CDC23: variants seen among roughly 807,000 people sequenced by gnomAD.
CDC23 encodes cell division cycle protein 23 homolog.
CDC23 carries 26 observed loss-of-function variants against 81.7 expected under a neutral mutation model. That is an observed-to-expected ratio of 0.32 (90% CI 0.23 to 0.44). The LOEUF is 0.44. CDC23 is among the 20% of genes least tolerant of loss of function. The probability of loss-of-function intolerance (pLI) is 1.00; values close to 1 mark genes in which losing one functional copy is unlikely to be tolerated. For missense variants in CDC23, 519 were observed against 728.0 expected, an observed-to-expected ratio of 0.71 and a Z score of 3.30; for synonymous variants, 267 against 270.8, an observed-to-expected ratio of 0.99 and a Z score of 0.14.
intron 2 of CDC23, among the ~76,000 whole-genome samples, chr5:138,208,528 A>G (rs1755078203): frequency 2.0e-5 from 3 of 152,208 alleles, no homozygotes; most frequent in African/African-American, 7.2e-5. Flanking sequence ...GAATGGGACA[A>G]AAAAATCAAG....
Position 138,201,101 on chromosome 5 carries a change from A to G in CDC23, c.654+6T>C. Reference sequence around the variant, plus strand: ...AGGGTTTTTCACATAGCTCATCACAATTTACCATCTCTTTGTCTGTGATCA... The same window carrying G: ...AGGGTTTTTCACATAGCTCATCACAGTTTACCATCTCTTTGTCTGTGATCA... On this transcript the variant is annotated splice_donor_region_variant and intron_variant, in intron 6 of 15. Coordinates refer to ENST00000394886, the MANE Select transcript of CDC23 (RefSeq NM_004661.4). 3.1e-6 allele frequency: 5 copies of G among 1,613,404 alleles called. No individual in the cohort carries two copies. Among genetic ancestry groups the G allele is most frequent in the Non-Finnish European group, 4.2e-6 (5 of 1,179,876 alleles).
intron 2 of CDC23, among the ~76,000 whole-genome samples, chr5:138,208,394 TACG>T (rs1231867631): frequency 6.6e-6 from 1 of 152,232 alleles, no homozygotes; most frequent in Non-Finnish European, 1.5e-5. Context: ...ATGTCCTAAA[TACG>T]ACCATTTGAT....
chr5:138,201,221 T>A lies in CDC23; in HGVS notation c.540A>T (p.Arg180=). 1 of 1,614,222 alleles carries A rather than the reference T, an allele frequency of 6.2e-7. No individual in the cohort carries two copies. ...FGLYLYGVVL[R]KLDLVKEAID... is the part of the protein sequence containing the mutation. ...TGGCCTCTTTAACCAAGTCCAGTTT[T>A]CGAAGCACCACACCATACCTGGGAA... Residue 180 remains arginine (R), a synonymous_variant, in exon 6 of 16, where the codon CGA becomes CGT. Transcript: ENST00000394886.
intron 10 of CDC23, 41 bp downstream of exon 10, chr5:138,192,463 C>G: frequency 6.2e-7 from 1 of 1,613,330 alleles, no homozygotes; most frequent in Non-Finnish European, 8.5e-7. Context: ...AGGCTCCTAA[C>G]CACAGCAATC....
Position 138,213,251 on chromosome 5 carries a change from G to T in CDC23, c.62C>A (p.Ser21Tyr). 6.2e-7 allele frequency: 1 copy of T among 1,614,080 alleles called. No homozygotes were observed. The highest frequency in any genetic ancestry group is 8.5e-7 in the Non-Finnish European group (1 of 1,180,042). Residue 21 changes from serine to tyrosine, a missense_variant, in exon 1 of 16, where the codon TCC (serine) becomes TAC (tyrosine). By Grantham distance (144) the Ser-to-Tyr change is moderately radical. Around this residue, in one of 4 missense-constraint regions of CDC23, gnomAD observed 126 missense variants for 116.2 expected, o/e 1.08. Coordinates refer to ENST00000394886, the MANE Select transcript of CDC23 (RefSeq NM_004661.4). ...AVTAAVAPVL[S>Y]INSDFSDLRE... ...CAAATCTGAGAAATCGCTGTTTATG[G>T]ACAGGACAGGCGCCACTGCCGCCGT... is the stretch of plus-strand genomic sequence containing the variant.
chr5:138,188,703 A>C lies in CDC23; in HGVS notation c.*275T>G, dbSNP rs1054679804. The C allele has an allele frequency of 3.9e-6, 1 of 259,140 alleles. No homozygotes were observed. Among genetic ancestry groups the C allele is most frequent in the Non-Finnish European group, 7.3e-6 (1 of 137,538 alleles). 16.1% of individuals were successfully genotyped at this position (259,140 alleles called of 1,614,324 possible). On this transcript the variant is annotated 3_prime_UTR_variant, in exon 16 of 16. Coordinates refer to ENST00000394886, the MANE Select transcript of CDC23 (RefSeq NM_004661.4). ...AAAAGGGACTTTCTTGGGGGCCAAA[A>C]AAAAAAAGCATTCAGGGAAGAAGGC...
rs1012184406 is a variant in CDC23 at position 138,197,409 on chromosome 5, TA to T, written c.1012+789del. 2.3e-4 allele frequency among the ~76,000 whole-genome samples: 35 copies of T among 150,500 alleles called. 4 individuals carry two copies. Among genetic ancestry groups the T allele is most frequent in the African/African-American group, 7.4e-4 (30 of 40,558 alleles). On this transcript the variant is annotated intron_variant, in intron 9 of 15. Coordinates refer to ENST00000394886, the MANE Select transcript of CDC23 (RefSeq NM_004661.4). ...AGATGGCAAAGATATATCATTAAGT[TA>T]AAAAAAAGGAAGTTAGATAGCACTA... is the stretch of plus-strand genomic sequence containing the variant.
chr5:138,213,286 C>A lies in CDC23; in HGVS notation c.27G>T (p.Pro9=). The A allele has an allele frequency of 6.2e-7, 1 of 1,614,046 alleles. No homozygotes were observed. Among genetic ancestry groups the A allele is most frequent in the Non-Finnish European group, 8.5e-7 (1 of 1,180,026 alleles). MAASTSMV[P]VAVTAAVAPV... Reference sequence around the variant, plus strand: ...GCGCCACTGCCGCCGTCACAGCCACCGGGACCATGGAGGTACTCGCAGCCA... The same window carrying A: ...GCGCCACTGCCGCCGTCACAGCCACAGGGACCATGGAGGTACTCGCAGCCA... The change falls in exon 1 of 16, where the codon CCG becomes CCT. Residue 9 remains proline, a synonymous_variant. Coordinates refer to ENST00000394886, the MANE Select transcript of CDC23 (RefSeq NM_004661.4).
At chr5:138,207,077 G>A (rs868384504) in intron 2 of CDC23, among the ~76,000 whole-genome samples, 2 of 151,704 alleles carry the variant, frequency 1.3e-5, no homozygotes, top group East Asian at 1.9e-4. Context: ...ATGGGGTTTC[G>A]CCATGTTGGC....
chr5:138,192,656 GC>G lies in CDC23; in HGVS notation c.1013del (p.Gly338AlafsTer21), dbSNP rs1754839583. 1 of 1,600,310 alleles carries G rather than the reference GC, an allele frequency of 6.2e-7. No individual in the cohort carries two copies. The highest frequency in any genetic ancestry group is 8.5e-7 in the Non-Finnish European group (1 of 1,176,372). On this transcript the variant is annotated frameshift_variant and splice_region_variant, in exon 10 of 16. Transcript: ENST00000394886. LOFTEE classifies it high-confidence loss of function. ...GCTGAGAACGTAAACTGTAATAATT[GC>G]CTGATTAAAAATCAAACAAAAAAAT... ...KYRVETCCVIGNYYSLRSQHE... is the reference protein window; with the variant it reads ...KYRVETCCVIXNYYSLRSQHE...
In CDC23 at chr5:138,201,324, A is replaced by C; in HGVS notation, c.521+19T>G. 1.2e-6 allele frequency: 2 copies of C among 1,613,286 alleles called. 1 individual carries two copies. Among genetic ancestry groups the C allele is most frequent in the Non-Finnish European group, 1.7e-6 (2 of 1,179,528 alleles). ...AGGAGAATATGTTACAGAAAGTTCC[A>C]AATTACTGTAACACTTACAGATAAA... On this transcript the variant is annotated intron_variant, in intron 5 of 15. Coordinates refer to ENST00000394886, the MANE Select transcript of CDC23 (RefSeq NM_004661.4).
At chr5:138,208,374 T>C (rs1307544400) in intron 2 of CDC23, among the ~76,000 whole-genome samples, 3 of 152,216 alleles carry the variant, frequency 2.0e-5, no homozygotes, top group Non-Finnish European at 1.5e-5. Flanking sequence ...GCTTTCTTCA[T>C]TAGATCAACA....
intron 13 of CDC23, 188 bp from the exon 14 acceptor site, chr5:138,190,094 C>A (rs1754809615): frequency 1.7e-6 from 1 of 599,438 alleles, no homozygotes; most frequent in African/African-American, 1.9e-5. Flanking sequence ...AGAATCATTA[C>A]TCTGCTAATG....
At chr5:138,196,580 G>A (rs1487395371) in intron 9 of CDC23, among the ~76,000 whole-genome samples, 2 of 139,462 alleles carry the variant, frequency 1.4e-5, no homozygotes, top group Non-Finnish European at 3.1e-5. Flanking sequence ...GTGAGCCCCC[G>A]TGCCCGGCCT....
In CDC23 at chr5:138,189,874, G is replaced by A; in HGVS notation, c.1457C>T (p.Ala486Val). 6.2e-7 allele frequency: 1 copy of A among 1,614,116 alleles called. No homozygotes were observed. Among genetic ancestry groups the A allele is most frequent in the South Asian group, 1.1e-5 (1 of 91,080 alleles). Residue 486 changes from alanine to valine, a missense_variant, in exon 14 of 16, where the codon GCT becomes GTT. By Grantham distance (64) the Ala-to-Val change is moderately conservative. This residue lies in a region of CDC23 where 175 missense variants were observed against 337.8 expected (regional missense o/e 0.52). Coordinates refer to ENST00000394886, the MANE Select transcript of CDC23 (RefSeq NM_004661.4). The part of the protein sequence containing the change: ...LHEQLTESEQ[A>V]AQCYIKYIQD... The stretch of plus-strand genomic sequence containing the variant: ...GATATATTTGATGTAACACTGGGCA[G>A]CCTGTTCTGACTCAGTCAACTGTTC...
chr5:138,198,039 G>A (rs1754937074), intron 9 of CDC23, among the ~76,000 whole-genome samples, 160 bp downstream of exon 9: 1 of 152,068 alleles, frequency 6.6e-6, no homozygotes. Context: ...GCTGACTGCT[G>A]CCCTGACATC....
intron 9 of CDC23, among the ~76,000 whole-genome samples, chr5:138,196,589 C>CTT (rs923629093): frequency 1.6e-5 from 2 of 127,458 alleles, no homozygotes; most frequent in African/African-American, 6.0e-5. Flanking sequence ...CGTGCCCGGC[C>CTT]TTTTTTTTTG....
chr5:138,202,567 A>C (rs1244229030), intron 3 of CDC23, among the ~76,000 whole-genome samples: 1 of 152,226 alleles, frequency 6.6e-6, no homozygotes, highest in Non-Finnish European at 1.5e-5. Context: ...TACAGGCGTG[A>C]GCCACTGTGC....
At chr5:138,192,849 T>TAA (rs539031707) in intron 9 of CDC23, among the ~76,000 whole-genome samples, 192 bp from the exon 10 acceptor site, 1 of 149,254 alleles carries the variant, frequency 6.7e-6, no homozygotes, top group Non-Finnish European at 1.5e-5. Context: ...ACATTCCGGT[T>TAA]AAAAAAAAAA....
Sources: allele counts gnomAD v4.1 joint callset (sites outside exome capture counted in the v4.1 genomes callset), GRCh38; gene constraint gnomAD v4.1.1; regional missense constraint gnomAD v4.1.1; transcripts MANE v1.5; gene names NCBI Gene and HGNC (gene_info 2026-07-23, HGNC 2026-07-21).